NCEH1: variants seen among roughly 807,000 people sequenced by gnomAD.
NCEH1 encodes 2-acetyl MAGE hydrolase.
Under a neutral mutation model 25.4 loss-of-function variants are expected in NCEH1, and 9 were observed. The observed-to-expected ratio is 0.35, with a 90% CI of 0.21 to 0.62. NCEH1 has a LOEUF of 0.62. NCEH1 is among the 20% of genes least tolerant of loss of function. NCEH1 has a pLI of 0.72. For missense variants in NCEH1, 412 were observed against 501.1 expected (o/e 0.82, Z 1.70); for synonymous variants, 200 against 199.8 (o/e 1.00, Z -0.01).
chr3:172,645,796 T>TA (rs1169708397), intron 2 of NCEH1, 104 bp from the exon 3 acceptor site: 5 of 589,370 alleles, frequency 8.5e-6, no homozygotes, highest in Non-Finnish European at 1.5e-5. Context: ...GAGCTAATAC[T>TA]AAAAACAAAT....
intron 3 of NCEH1, among the ~76,000 whole-genome samples, chr3:172,637,154 G>A (rs1045895507): frequency 6.6e-5 from 10 of 152,092 alleles, no homozygotes; most frequent in African/African-American, 2.2e-4. Flanking sequence ...TCATAACTGT[G>A]CTTCCAGTAT....
intron 1 of NCEH1, among the ~76,000 whole-genome samples, chr3:172,690,977 A>G (rs531557070): frequency 4.7e-4 from 70 of 148,614 alleles, no homozygotes; most frequent in African/African-American, 1.8e-3. Context: ...TAAAGCAGCT[A>G]TGACATCCAG....
At chr3:172,672,013 T>C (rs747075362) in intron 1 of NCEH1, among the ~76,000 whole-genome samples, 16 of 152,230 alleles carry the variant, frequency 1.1e-4, no homozygotes, top group Non-Finnish European at 2.1e-4. Context: ...CACATTTGCT[T>C]ACTACTCATT....
At chr3:172,694,378 ATGTGTGTGTGTGTGTC>A (rs1471913494) in intron 1 of NCEH1, among the ~76,000 whole-genome samples, 2 of 151,236 alleles carry the variant, frequency 1.3e-5, no homozygotes, top group Non-Finnish European at 2.9e-5. Flanking sequence ...AGTTATATAT[ATGTGTGTGTGTGTGTC>A]TGTGTGTGTG....
chr3:172,678,923 T>G (rs1712176643), intron 1 of NCEH1, among the ~76,000 whole-genome samples: 1 of 152,210 alleles, frequency 6.6e-6, no homozygotes, highest in Admixed American at 6.5e-5. Context: ...CCATTTTTAC[T>G]TCCTGCAGAA....
Position 172,685,613 on chromosome 3 carries a change from G to A in NCEH1, c.138+25234C>T, listed in dbSNP as rs780485048. 5.9e-4 allele frequency among the ~76,000 whole-genome samples: 90 copies of A among 152,274 alleles called. No individual in the cohort carries two copies. In the Middle Eastern group the frequency reaches 0.01, roughly 17 times the overall value. Reference sequence around the variant, plus strand: ...AAGATTCTTTCATTATATCTTGATTGAAAATAGTTCCAGTTTATCTCAATG... The same window carrying A: ...AAGATTCTTTCATTATATCTTGATTAAAAATAGTTCCAGTTTATCTCAATG... On this transcript the variant is annotated intron_variant, in intron 1 of 4. Coordinates refer to ENST00000475381, the MANE Select transcript of NCEH1 (RefSeq NM_020792.6).
At chr3:172,690,481 T>A (rs1712973976) in intron 1 of NCEH1, among the ~76,000 whole-genome samples, 1 of 152,236 alleles carries the variant, frequency 6.6e-6, no homozygotes, top group African/African-American at 2.4e-5. Flanking sequence ...ACATTGCTAT[T>A]AGCCATATAA....
chr3:172,676,641 G>A (rs1401865935), intron 1 of NCEH1, among the ~76,000 whole-genome samples: 1 of 152,052 alleles, frequency 6.6e-6, no homozygotes, highest in Non-Finnish European at 1.5e-5. Flanking sequence ...CCGGGGAGCT[G>A]TTTTCTTCCT....
chr3:172,633,783 T>G lies in NCEH1; in HGVS notation c.919A>C (p.Thr307Pro). 6.2e-7 allele frequency: 1 copy of G among 1,614,224 alleles called. No individual in the cohort carries two copies. The highest frequency in any genetic ancestry group is 8.5e-7 in the Non-Finnish European group (1 of 1,180,034). ...TCCTGGACAATCCTGGCATTGCCTGTGGTCTGTACAACAGGCTTGTAGTTC... is the reference window on the plus strand; with the variant it reads ...TCCTGGACAATCCTGGCATTGCCTGGGGTCTGTACAACAGGCTTGTAGTTC... ...TKNYKPVVQTTGNARIVQELP... is the reference protein window; with the variant it reads ...TKNYKPVVQTPGNARIVQELP... Residue 307 changes from threonine (T) to proline (P), a missense_variant, in exon 5 of 5, where the codon ACA becomes CCA. Physicochemically the swap from Thr to Pro is conservative, Grantham distance 38. Around this residue, in one of 3 missense-constraint regions of NCEH1, gnomAD observed 210 missense variants for 258.2 expected, o/e 0.81. Coordinates refer to ENST00000475381, the MANE Select transcript of NCEH1 (RefSeq NM_020792.6).
chr3:172,694,639 TG>T (rs1277989053), intron 1 of NCEH1, among the ~76,000 whole-genome samples: 1 of 152,214 alleles, frequency 6.6e-6, no homozygotes, highest in Non-Finnish European at 1.5e-5. Context: ...CACAGGTGCC[TG>T]GAGTGCACTT....
intron 1 of NCEH1, among the ~76,000 whole-genome samples, chr3:172,660,951 T>C (rs978200054): frequency 3.9e-5 from 6 of 152,242 alleles, no homozygotes; most frequent in African/African-American, 1.4e-4. Context: ...TAGTTTCTTT[T>C]GCTGTGCAGA....
intron 1 of NCEH1, among the ~76,000 whole-genome samples, chr3:172,680,050 C>T (rs1712253442): frequency 6.6e-6 from 1 of 152,158 alleles, no homozygotes; most frequent in Non-Finnish European, 1.5e-5. Context: ...CTGGCAGCAT[C>T]TGAATGCAAA....
intron 1 of NCEH1, among the ~76,000 whole-genome samples, chr3:172,683,804 T>C: frequency 6.6e-6 from 1 of 152,194 alleles, no homozygotes; most frequent in East Asian, 1.9e-4. Context: ...GAAGAATACA[T>C]CTAATGTAAA....
In NCEH1 at chr3:172,665,029, T is replaced by C. The variant is rs1237630276; in HGVS notation, c.139-16915A>G. On this transcript the variant is annotated intron_variant, in intron 1 of 4. Transcript: ENST00000475381. Reference sequence around the variant, plus strand: ...GGCGAGGCGCTGTGATCCTTTGGTGTAGATGAGGCACTCTGATTTTTAGAA... The same window carrying C: ...GGCGAGGCGCTGTGATCCTTTGGTGCAGATGAGGCACTCTGATTTTTAGAA... Among the ~76,000 whole-genome samples, 3 of 152,236 alleles carry C rather than the reference T, an allele frequency of 2.0e-5. No homozygotes were observed. In the East Asian group the frequency reaches 5.8e-4, roughly 29 times the overall value.
chr3:172,653,765 T>TTTTTTTGTTTGTTTTTTG (rs1717555961), intron 1 of NCEH1, among the ~76,000 whole-genome samples: 2 of 134,374 alleles, frequency 1.5e-5, no homozygotes, highest in Non-Finnish European at 3.1e-5. Flanking sequence ...TTTTTGTTTT[T>TTTTTTTGTTTGTTTTTTG]TTTTTTTTTT....
chr3:172,671,506 T>C (rs7430364), intron 1 of NCEH1, among the ~76,000 whole-genome samples: 1,649 of 143,218 alleles, frequency 0.012, 34 homozygotes, highest in East Asian at 0.078. Flanking sequence ...CACATACACA[T>C]ACACACACAC....
At chr3:172,644,089 G>A (rs1216834010) in intron 3 of NCEH1, among the ~76,000 whole-genome samples, 1 of 151,518 alleles carries the variant, frequency 6.6e-6, no homozygotes, top group Non-Finnish European at 1.5e-5. Context: ...GGGCTTTTGG[G>A]TGACTGCAGG....
intron 1 of NCEH1, among the ~76,000 whole-genome samples, chr3:172,702,639 A>G (rs1254751093): frequency 1.3e-5 from 2 of 152,200 alleles, no homozygotes; most frequent in Admixed American, 6.5e-5. Context: ...AAATTTCACA[A>G]TATGACACAC....
intron 1 of NCEH1, among the ~76,000 whole-genome samples, chr3:172,648,447 T>C (rs1312617773): frequency 1.3e-5 from 2 of 152,144 alleles, no homozygotes; most frequent in African/African-American, 4.8e-5. Context: ...ACCTTTTTTT[T>C]CTAAATAAGT....
Sources: allele counts gnomAD v4.1 joint callset (sites outside exome capture counted in the v4.1 genomes callset), GRCh38; gene constraint gnomAD v4.1.1; regional missense constraint gnomAD v4.1.1; transcripts MANE v1.5; gene names NCBI Gene and HGNC (gene_info 2026-07-23, HGNC 2026-07-21).